ABR: variants seen among roughly 807,000 people sequenced by gnomAD.
The protein encoded by ABR is ABR activator of RhoGEF and GTPase.
A neutral mutation model predicts 107.2 loss-of-function variants in ABR; 35 were observed. The ratio of observed to expected loss-of-function variants is 0.33; its 90% confidence interval spans 0.25 to 0.43. ABR has a LOEUF of 0.43. Ranked by LOEUF, ABR falls within the 20% of genes least tolerant of loss-of-function variation. The pLI, the probability that ABR is intolerant of heterozygous loss-of-function variation, is 1.00. For synonymous variants in ABR, 498 were observed against 462.0 expected, an observed-to-expected ratio of 1.08 and a Z score of -1.00; for missense variants, 815 against 1,115.2, an observed-to-expected ratio of 0.73 and a Z score of 3.83.
rs559371810 is a variant in ABR, at chr17:1,070,515, G to A, written c.895-425C>T. Among the ~76,000 whole-genome samples the A allele has an allele frequency of 3.3e-5, 5 of 152,236 alleles. No individual in the cohort carries two copies. Among genetic ancestry groups the A allele is most frequent in the East Asian group, 3.9e-4 (2 of 5,170 alleles). ...TCCACCCTGGGGCACGAACATCCCC[G>A]TTTGCAATCCCTCCCGACCGCGGCG... On this transcript the variant is annotated intron_variant, in intron 8 of 22. Coordinates refer to ENST00000302538, the MANE Select transcript of ABR (RefSeq NM_021962.5). The surrounding 1 kb of genome is among the most constrained non-coding windows in gnomAD (Gnocchi z 4.2).
At chr17:1,026,608 G>C (rs1334637282) in intron 16 of ABR, among the ~76,000 whole-genome samples, 1 of 152,202 alleles carries the variant, frequency 6.6e-6, no homozygotes, top group African/African-American at 2.4e-5. Flanking sequence ...GGCCCATCCT[G>C]GAGGGCCAAG....
At chr17:1,189,794 A>G (rs1598096289), upstream of ABR, among the ~76,000 whole-genome samples, 2 of 152,164 alleles carry the variant, frequency 1.3e-5, no homozygotes, top group Admixed American at 1.3e-4. Flanking sequence ...GTAAACGTTC[A>G]ATGCCTGTCT....
chr17:1,057,325 T>G (rs1417850935), intron 12 of ABR, among the ~76,000 whole-genome samples: 1 of 43,540 alleles, frequency 2.3e-5, no homozygotes, highest in Non-Finnish European at 5.2e-5. Flanking sequence ...TGTGTGTGTG[T>G]GTGTGTGTGT....
Position 1,010,807 on chromosome 17 carries a change from T to G in ABR, c.2158A>C (p.Thr720Pro). The G allele has an allele frequency of 6.2e-7, 1 of 1,613,828 alleles. No homozygotes were observed. The highest frequency in any genetic ancestry group is 8.5e-7 in the Non-Finnish European group (1 of 1,180,008). ...AGTTCCCGGAAGTACAGCTTGAGCG[T>G]CCCGGCGATGGCGTTGATGTCCATG... ...SDMDINAIAG[T>P]LKLYFRELPE... Residue 720 changes from threonine (T) to proline (P), a missense_variant, in exon 20 of 23, where the codon ACG (threonine) becomes CCG (proline). This residue lies in a region of ABR where 175 missense variants were observed against 284.3 expected (regional missense o/e 0.62). Transcript: ENST00000302538. The surrounding 1 kb of genome is among the most constrained non-coding windows in gnomAD (Gnocchi z 4.1).
rs113037146 is a variant in ABR at position 1,009,927 on chromosome 17, G to C, written c.2237-143C>G. On this transcript the variant is annotated intron_variant, in intron 20 of 22. Coordinates refer to ENST00000302538, the MANE Select transcript of ABR (RefSeq NM_021962.5). ...AGCAGACCCCACAGGGGAGGGCCTGGTGTCTGGGTGGGCTGTCAGCAGCTG... is the reference window on the plus strand; with the variant it reads ...AGCAGACCCCACAGGGGAGGGCCTGCTGTCTGGGTGGGCTGTCAGCAGCTG... 880 of 682,902 alleles carry C rather than the reference G, an allele frequency of 1.3e-3. 10 individuals carry two copies. The African/African-American group carries it at 0.013, about 10-fold the overall frequency. The allele number at this position is 682,902 out of a possible 1,614,324, so 42.3% of individuals were successfully genotyped here. A position where few individuals can be genotyped will look rare whatever the true frequency, so the allele number is the denominator to read the frequency against.
rs903758914 is a variant in ABR, at chr17:1,051,234, A to T, written c.1562-600T>A. On this transcript the variant is annotated intron_variant, in intron 14 of 22. Coordinates refer to ENST00000302538, the MANE Select transcript of ABR (RefSeq NM_021962.5). The surrounding 1 kb of genome is among the most constrained non-coding windows in gnomAD (Gnocchi z 4.3). Reference sequence around the variant, plus strand: ...GCTGCACTTAACATAAACCAAAGGGATCTTCTCTACTCGTGCGTCCCTAGT... The same window carrying T: ...GCTGCACTTAACATAAACCAAAGGGTTCTTCTCTACTCGTGCGTCCCTAGT... Among the ~76,000 whole-genome samples, 2 of 152,004 alleles carry T rather than the reference A, an allele frequency of 1.3e-5. No individual in the cohort carries two copies. The highest frequency in any genetic ancestry group is 2.9e-5 in the Non-Finnish European group (2 of 67,998).
intron 2 of ABR, among the ~76,000 whole-genome samples, chr17:1,123,044 A>T (rs2039419300): frequency 6.6e-6 from 1 of 152,214 alleles, no homozygotes; most frequent in Admixed American, 6.5e-5. Flanking sequence ...TCTTTTATTA[A>T]TAGTGTTTTT....
intron 16 of ABR, among the ~76,000 whole-genome samples, chr17:1,041,460 T>A (rs1019620254): frequency 6.6e-6 from 1 of 151,710 alleles, no homozygotes; most frequent in Non-Finnish European, 1.5e-5. Flanking sequence ...CTTGGCCGGG[T>A]GCGGTGGCTC....
chr17:1,119,716 C>T, intron 2 of ABR, among the ~76,000 whole-genome samples: 1 of 152,310 alleles, frequency 6.6e-6, no homozygotes, highest in Non-Finnish European at 1.5e-5. Flanking sequence ...AGTGACCGTG[C>T]ACACCTCCCA....
In ABR at chr17:1,010,578, C is replaced by T; in HGVS notation, c.2236+151G>A. 2 of 1,061,850 alleles carry T rather than the reference C, an allele frequency of 1.9e-6. No individual in the cohort carries two copies. Among genetic ancestry groups the T allele is most frequent in the Non-Finnish European group, 2.7e-6 (2 of 747,360 alleles). The allele number at this position is 1,061,850 out of a possible 1,614,324, so 65.8% of individuals were successfully genotyped here. A position where few individuals can be genotyped will look rare whatever the true frequency, so the allele number is the denominator to read the frequency against. ...CCAGGTCCCAGCAGGCCACACCTCA[C>T]CCTCGGACCCCTCAGCCACAGGCCC... On this transcript the variant is annotated intron_variant, in intron 20 of 22. Transcript: ENST00000302538. The surrounding 1 kb of genome is among the most constrained non-coding windows in gnomAD (Gnocchi z 4.1).
intron 16 of ABR, among the ~76,000 whole-genome samples, chr17:1,046,351 G>T (rs1433329076): frequency 7.2e-5 from 10 of 139,348 alleles, no homozygotes; most frequent in Admixed American, 4.1e-4. Context: ...TTGGCCAGGC[G>T]GGTCTTGAAC....
intron 16 of ABR, among the ~76,000 whole-genome samples, chr17:1,019,593 C>A (rs1255669864): frequency 6.6e-6 from 1 of 152,270 alleles, no homozygotes; most frequent in Non-Finnish European, 1.5e-5. Context: ...TATCAGCCTC[C>A]AGAAACCAAG....
intron 6 of ABR, among the ~76,000 whole-genome samples, chr17:1,075,541 C>T (rs1396772652): frequency 6.6e-6 from 1 of 152,154 alleles, no homozygotes. Flanking sequence ...GCAGTCCGAG[C>T]TTGGCTGCCT....
chr17:1,152,772 T>A (rs532772356), intron 1 of ABR, among the ~76,000 whole-genome samples: 2 of 152,002 alleles, frequency 1.3e-5, no homozygotes, highest in East Asian at 3.9e-4. Context: ...AGCAAGATGA[T>A]GAGCTTTGTC....
intron 1 of ABR, among the ~76,000 whole-genome samples, chr17:1,166,272 C>T (rs972912487): frequency 6.6e-6 from 1 of 152,068 alleles, no homozygotes; most frequent in African/African-American, 2.4e-5. Context: ...GGGCAGGCTG[C>T]GGCCCCATGC....
rs866458790 is a variant in ABR at position 1,120,303 on chromosome 17, C to G, written c.246+4880G>C. 3.3e-5 allele frequency among the ~76,000 whole-genome samples: 5 copies of G among 151,890 alleles called. No homozygotes were observed. In the South Asian group the frequency reaches 1.0e-3, roughly 32 times the overall value. On this transcript the variant is annotated intron_variant, in intron 2 of 22. Transcript: ENST00000302538. ...TTTTCTTTTGAGATGGCATCTCACTCTGTCCCCCTGGCTGCTGGAGTGCAA... is the reference window on the plus strand; with the variant it reads ...TTTTCTTTTGAGATGGCATCTCACTGTGTCCCCCTGGCTGCTGGAGTGCAA...
At chr17:1,132,494 T>C (rs1460997289) in intron 1 of ABR, among the ~76,000 whole-genome samples, 1 of 151,188 alleles carries the variant, frequency 6.6e-6, no homozygotes, top group Admixed American at 6.6e-5. Context: ...TTCTCCCGTC[T>C]CAGCCTCCCG....
chr17:1,046,427 C>T (rs1388507988), intron 16 of ABR, among the ~76,000 whole-genome samples: 3 of 152,180 alleles, frequency 2.0e-5, no homozygotes, highest in Non-Finnish European at 4.4e-5. Flanking sequence ...CGTGCCACCA[C>T]GCCTGGCTAA....
chr17:1,039,864 G>A (rs763156045), intron 16 of ABR, among the ~76,000 whole-genome samples: 7 of 152,202 alleles, frequency 4.6e-5, no homozygotes, highest in Admixed American at 3.9e-4. Flanking sequence ...GGCGGGCGCC[G>A]ACGCGGGCTG....
Sources: allele counts gnomAD v4.1 joint callset (sites outside exome capture counted in the v4.1 genomes callset), GRCh38; gene constraint gnomAD v4.1.1; regional missense constraint gnomAD v4.1.1; non-coding constraint Gnocchi (gnomAD v3.1); transcripts MANE v1.5; gene names NCBI Gene and HGNC (gene_info 2026-07-23, HGNC 2026-07-21).